Variants in SLC14A2 observed in about 807,000 individuals in gnomAD.
SLC14A2 encodes solute carrier family 14 member 2.
Under a neutral mutation model 104.6 loss-of-function variants are expected in SLC14A2, and 91 were observed. The ratio of observed to expected loss-of-function variants is 0.87; its 90% CI spans 0.73 to 1.04. The LOEUF is 1.04. Among genes scored for constraint, SLC14A2 ranks in the 50% least tolerant of loss-of-function variants. The probability of loss-of-function intolerance (pLI) is 0.00; values close to 1 mark genes in which losing one functional copy is unlikely to be tolerated. For synonymous variants in SLC14A2, 476 were observed against 466.4 expected (o/e 1.02, Z -0.27); for missense variants, 1,189 against 1,156.0 (o/e 1.03, Z -0.41).
rs80239474 is a variant in SLC14A2 at position 45,266,859 on chromosome 18, T to A, written c.-125+53668T>A. Among the ~76,000 whole-genome samples the A allele has an allele frequency of 5.7e-3, 863 of 152,264 alleles. 7 individuals carry two copies. The highest frequency in any genetic ancestry group is 8.2e-3 in the Non-Finnish European group (555 of 68,006). On this transcript the variant is annotated intron_variant, in intron 1 of 20. Transcript: ENST00000586448. ...CAGGGGTAAGGAATATAGTGTGTGA[T>A]CAAACAACTACCAGCCTAACATCCT... is the stretch of plus-strand genomic sequence containing the variant.
chr18:45,380,365 G>T (rs2085821503), intron 1 of SLC14A2, among the ~76,000 whole-genome samples: 1 of 152,216 alleles, frequency 6.6e-6, no homozygotes, highest in African/African-American at 2.4e-5. Context: ...CACACCATGA[G>T]AAATTATGGG....
At chr18:45,450,870 G>A (rs2086846605) in intron 1 of SLC14A2, among the ~76,000 whole-genome samples, 1 of 152,158 alleles carries the variant, frequency 6.6e-6, no homozygotes, top group Non-Finnish European at 1.5e-5. Context: ...GAGGAGAAAA[G>A]GCAGAGAATA....
intron 2 of SLC14A2, among the ~76,000 whole-genome samples, chr18:45,609,883 C>A (rs184771946): frequency 6.6e-6 from 1 of 152,298 alleles, no homozygotes; most frequent in Admixed American, 6.5e-5. Context: ...AAGACACAAG[C>A]TGAAAAAGAC....
At chr18:45,233,330 G>A (rs1462407854) in intron 1 of SLC14A2, among the ~76,000 whole-genome samples, 1 of 152,132 alleles carries the variant, frequency 6.6e-6, no homozygotes, top group Non-Finnish European at 1.5e-5. Context: ...TTGTTGAAAT[G>A]TTACTTGTTC....
chr18:45,606,528 G>C (rs970864686), intron 2 of SLC14A2, among the ~76,000 whole-genome samples: 2 of 151,990 alleles, frequency 1.3e-5, no homozygotes, highest in Admixed American at 1.3e-4. Context: ...TGTATTCTAG[G>C]AATCAGTCAG....
chr18:45,424,713 A>G (rs9957114), intron 1 of SLC14A2, among the ~76,000 whole-genome samples: 5,667 of 152,320 alleles, frequency 0.037, 327 homozygotes, highest in African/African-American at 0.12. Flanking sequence ...CTGAAGCTCC[A>G]AGAAGGTAAG....
At chr18:45,245,049 A>C (rs1008298334) in intron 1 of SLC14A2, among the ~76,000 whole-genome samples, 1 of 152,226 alleles carries the variant, frequency 6.6e-6, no homozygotes, top group Non-Finnish European at 1.5e-5. Context: ...ATACTCAGAC[A>C]TACTCATCAC....
chr18:45,592,164 A>G (rs2044657359), intron 2 of SLC14A2, among the ~76,000 whole-genome samples: 1 of 152,080 alleles, frequency 6.6e-6, no homozygotes, highest in Admixed American at 6.5e-5. Context: ...AGCAGTTTCC[A>G]CCTTCTTGCT....
chr18:45,618,247 G>C (rs2045104389), intron 1 of SLC14A2, among the ~76,000 whole-genome samples: 1 of 152,168 alleles, frequency 6.6e-6, no homozygotes, highest in African/African-American at 2.4e-5. Context: ...AGAAATTTAT[G>C]GAAACTCTCC....
chr18:45,536,926 G>A (rs772714028), intron 2 of SLC14A2, among the ~76,000 whole-genome samples: 2 of 152,070 alleles, frequency 1.3e-5, no homozygotes, highest in Admixed American at 1.3e-4. Context: ...AGGCCTTCAA[G>A]GACCTTGTGG....
chr18:45,537,415 G>T lies in SLC14A2; in HGVS notation c.-35+54093G>T, dbSNP rs116777868. Among the ~76,000 whole-genome samples, 1,188 of 152,214 alleles carry T rather than the reference G, an allele frequency of 7.8e-3. 17 individuals are homozygous for T. The highest frequency in any genetic ancestry group is 0.027 in the African/African-American group (1,123 of 41,522). On this transcript the variant is annotated intron_variant, in intron 2 of 20. Coordinates refer to the SLC14A2 transcript ENST00000586448. ...ACAAAGACGTGAAGAAGGCGAGGGA[G>T]TGAGCCATGCAGGTAACTGGGGAGG...
intron 1 of SLC14A2, among the ~76,000 whole-genome samples, chr18:45,368,576 G>C (rs1329532617): frequency 6.6e-6 from 1 of 152,224 alleles, no homozygotes; most frequent in African/African-American, 2.4e-5. Flanking sequence ...CATTTGGGAA[G>C]TCAGATTTAT....
chr18:45,209,731 A>G (rs1018090490), upstream of SLC14A2, among the ~76,000 whole-genome samples: 2 of 152,216 alleles, frequency 1.3e-5, no homozygotes, highest in African/African-American at 4.8e-5. Context: ...GATTAAGAAG[A>G]TAAAAAGAGA....
At chr18:45,432,449 C>A (rs1029141780) in intron 1 of SLC14A2, among the ~76,000 whole-genome samples, 1 of 152,156 alleles carries the variant, frequency 6.6e-6, no homozygotes, top group Non-Finnish European at 1.5e-5. Context: ...AAGCTCCTTG[C>A]CCATGATACA....
chr18:45,184,879 T>C, the SLC14A2 span, among the ~76,000 whole-genome samples: 1 of 152,308 alleles, frequency 6.6e-6, no homozygotes, highest in African/African-American at 2.4e-5. Context: ...CACCTATGCC[T>C]GTGGGTTGGC....
At chr18:45,648,821 G>C (rs9959949) in intron 10 of SLC14A2, among the ~76,000 whole-genome samples, 81,924 of 151,700 alleles carry the variant, frequency 0.54, 22,827 homozygotes, top group African/African-American at 0.69. Context: ...TCTCGTTTTA[G>C]AAGTTTGATC....
chr18:45,274,761 T>C (rs2084685118), intron 1 of SLC14A2, among the ~76,000 whole-genome samples: 1 of 152,256 alleles, frequency 6.6e-6, no homozygotes, highest in Non-Finnish European at 1.5e-5. Flanking sequence ...GCCCACTTAA[T>C]TCTCTGTGAC....
chr18:45,288,590 A>G (rs1424788915), intron 1 of SLC14A2, among the ~76,000 whole-genome samples: 1 of 152,202 alleles, frequency 6.6e-6, no homozygotes, highest in African/African-American at 2.4e-5. Flanking sequence ...AAGTTGCCAG[A>G]CACCCCAAAA....
the SLC14A2 span, among the ~76,000 whole-genome samples, chr18:45,185,377 A>G: frequency 6.6e-6 from 1 of 152,290 alleles, no homozygotes; most frequent in East Asian, 1.9e-4. Flanking sequence ...TGACCCTCTC[A>G]GATTGTGGCC....
Sources: allele counts gnomAD v4.1 joint callset (sites outside exome capture counted in the v4.1 genomes callset), GRCh38; gene constraint gnomAD v4.1.1; transcripts MANE v1.5; gene names NCBI Gene and HGNC (gene_info 2026-07-23, HGNC 2026-07-21).